Variants in GLI3 observed in about 807,000 individuals in gnomAD.
The protein encoded by GLI3 is GLI family zinc finger 3, also known as transcription activator GLI3.
In GLI3, 20 loss-of-function variants were observed where a neutral mutation model predicts 100.8. The ratio of observed to expected loss-of-function variants is 0.20; its 90% CI spans 0.14 to 0.29. The LOEUF (loss-of-function observed/expected upper bound fraction) is 0.29. GLI3 is among the 10% of genes least tolerant of loss of function. The probability of loss-of-function intolerance (pLI) is 1.00; values close to 1 mark genes in which losing one functional copy is unlikely to be tolerated. For missense variants in GLI3, 2,040 were observed against 2,128.5 expected, an observed-to-expected ratio of 0.96 and a Z score of 0.82; for synonymous variants, 938 against 860.5, an observed-to-expected ratio of 1.09 and a Z score of -1.58.
intron 1 of GLI3, among the ~76,000 whole-genome samples, chr7:42,247,055 C>T (rs577650452): frequency 6.6e-6 from 1 of 151,960 alleles, no homozygotes; most frequent in African/African-American, 2.4e-5. Flanking sequence ...GAGATAGATG[C>T]AGTTGTTTTA....
At chr7:41,996,473 C>T (rs1562676429) in intron 10 of GLI3, among the ~76,000 whole-genome samples, 1 of 152,234 alleles carries the variant, frequency 6.6e-6, no homozygotes, top group Admixed American at 6.5e-5. Context: ...AAAGAAAATA[C>T]TGTATTTTGC....
At chr7:42,220,165 T>C (rs1788458869) in intron 2 of GLI3, among the ~76,000 whole-genome samples, 1 of 152,216 alleles carries the variant, frequency 6.6e-6, no homozygotes, top group Non-Finnish European at 1.5e-5. Flanking sequence ...ACTGAACTCA[T>C]TTTTAATTGT....
At chr7:42,146,096 TG>T (rs1786699474) in intron 3 of GLI3, among the ~76,000 whole-genome samples, 1 of 152,200 alleles carries the variant, frequency 6.6e-6, no homozygotes, top group Non-Finnish European at 1.5e-5. Context: ...GGGAGTACAT[TG>T]GGATGGTAGG....
At chr7:42,106,535 T>C (rs1036976938) in intron 3 of GLI3, among the ~76,000 whole-genome samples, 3 of 152,180 alleles carry the variant, frequency 2.0e-5, no homozygotes, top group African/African-American at 7.2e-5. Context: ...TCTGTATTTG[T>C]TTTGCTGCTG....
intron 3 of GLI3, among the ~76,000 whole-genome samples, chr7:42,124,194 C>T (rs988944417): frequency 1.3e-5 from 2 of 152,182 alleles, no homozygotes; most frequent in Non-Finnish European, 1.5e-5. Flanking sequence ...ACAAAACAAT[C>T]CTTTGCAGAA....
chr7:42,233,190 G>T lies in GLI3; in HGVS notation c.-43+3781C>A, dbSNP rs1420592677. ...TATGGCAATTTTTAAAAAAGAGAAT[G>T]AAATATCTAAAGTGGCTCTAAATTA... On this transcript the variant is annotated intron_variant, in intron 1 of 14. Transcript: ENST00000395925. Among the ~76,000 whole-genome samples, 3 of 152,304 alleles carry T rather than the reference G, an allele frequency of 2.0e-5. 1 individual carries two copies. Among genetic ancestry groups the T allele is most frequent in the South Asian group, 4.1e-4 (2 of 4,826 alleles).
intron 2 of GLI3, among the ~76,000 whole-genome samples, chr7:42,203,709 T>C (rs1788093416): frequency 6.6e-6 from 1 of 152,142 alleles, no homozygotes; most frequent in South Asian, 2.1e-4. Context: ...TTTAAAATAT[T>C]GATTTGAGGC....
chr7:42,182,948 T>C (rs567435110), intron 2 of GLI3, among the ~76,000 whole-genome samples: 58 of 151,876 alleles, frequency 3.8e-4, no homozygotes, highest in Non-Finnish European at 5.2e-4. Context: ...TAGCTGGGCA[T>C]GGTGGTTCAC....
At chr7:42,244,920 T>A (rs1477304055) in intron 1 of GLI3, among the ~76,000 whole-genome samples, 1 of 152,220 alleles carries the variant, frequency 6.6e-6, no homozygotes, top group African/African-American at 2.4e-5. Context: ...ATAGGTCTTC[T>A]ATTAAAGACA....
At chr7:42,152,459 CCT>C in intron 2 of GLI3, 1 of 952,232 alleles carries the variant, frequency 1.1e-6, no homozygotes, top group Non-Finnish European at 1.3e-6. Context: ...TCTCTGCCTC[CCT>C]CTCCCTCTCC....
intron 1 of GLI3, among the ~76,000 whole-genome samples, chr7:42,263,844 G>A (rs755662674): frequency 2.6e-4 from 40 of 151,760 alleles, no homozygotes; most frequent in Non-Finnish European, 4.3e-4. Context: ...CATATATCAG[G>A]ATATTTTTCT....
intron 2 of GLI3, among the ~76,000 whole-genome samples, chr7:42,216,085 C>T (rs974456212): frequency 1.3e-5 from 2 of 152,168 alleles, no homozygotes; most frequent in African/African-American, 4.8e-5. Context: ...AGGTTAAGTA[C>T]TTAGCCCATG....
intron 4 of GLI3, among the ~76,000 whole-genome samples, chr7:42,063,198 C>A (rs1784606145): frequency 6.6e-6 from 1 of 152,172 alleles, no homozygotes; most frequent in Non-Finnish European, 1.5e-5. Context: ...ATTCTTGCAA[C>A]TAGGTCCATT....
intron 1 of GLI3, among the ~76,000 whole-genome samples, chr7:42,228,241 G>A (rs1788623523): frequency 6.6e-6 from 1 of 152,160 alleles, no homozygotes; most frequent in Non-Finnish European, 1.5e-5. Context: ...AACAGAACAT[G>A]CTGGATTGCT....
intron 10 of GLI3, among the ~76,000 whole-genome samples, chr7:41,980,508 T>G (rs1787632695): frequency 1.3e-5 from 2 of 152,022 alleles, no homozygotes; most frequent in African/African-American, 4.8e-5. Context: ...ACAAAAACAC[T>G]CCCTAACAGT....
chr7:42,050,128 G>A (rs773174167), intron 4 of GLI3, among the ~76,000 whole-genome samples: 26 of 152,074 alleles, frequency 1.7e-4, no homozygotes, highest in Admixed American at 6.5e-5. Context: ...ATATGGTGGT[G>A]GGGGTGGATT....
At chr7:42,237,502 G>T (rs1305297703), upstream of GLI3, among the ~76,000 whole-genome samples, 1 of 151,722 alleles carries the variant, frequency 6.6e-6, no homozygotes, top group East Asian at 2.0e-4. Flanking sequence ...TACTCACGGG[G>T]TGGAAAAGTT....
chr7:42,185,223 G>C (rs552824910), intron 2 of GLI3, among the ~76,000 whole-genome samples: 2 of 152,266 alleles, frequency 1.3e-5, no homozygotes, highest in African/African-American at 4.8e-5. Flanking sequence ...GGGTTTCAGG[G>C]CATGTTTCCT....
At chr7:42,028,339 G>A (rs1422150969) in intron 7 of GLI3, among the ~76,000 whole-genome samples, 3 of 152,136 alleles carry the variant, frequency 2.0e-5, no homozygotes, top group African/African-American at 7.2e-5. Flanking sequence ...AATTCTGGGA[G>A]ACACGACATT....
Sources: allele counts gnomAD v4.1 joint callset (sites outside exome capture counted in the v4.1 genomes callset), GRCh38; gene constraint gnomAD v4.1.1; transcripts MANE v1.5; gene names NCBI Gene and HGNC (gene_info 2026-07-23, HGNC 2026-07-21).